Variants in SUSD4 observed in about 807,000 individuals in gnomAD.
SUSD4 encodes the protein sushi domain-containing protein 4.
Under a neutral mutation model 50.5 loss-of-function variants are expected in SUSD4, and 41 were observed. That is an observed-to-expected ratio of 0.81 (90% CI 0.63 to 1.05). SUSD4 has a LOEUF of 1.05. Among genes scored for constraint, SUSD4 ranks in the 50% least tolerant of loss-of-function variants. The probability of loss-of-function intolerance (pLI) is 0.00; values close to 1 mark genes in which losing one functional copy is unlikely to be tolerated. For missense variants in SUSD4, 580 were observed against 634.7 expected (o/e 0.91, Z 0.93); for synonymous variants, 257 against 257.3 (o/e 1.00, Z 0.01).
At chr1:223,351,726 T>G (rs1056288029) in intron 2 of SUSD4, among the ~76,000 whole-genome samples, 1 of 152,170 alleles carries the variant, frequency 6.6e-6, no homozygotes, top group Non-Finnish European at 1.5e-5. Flanking sequence ...TCCAAGTCCA[T>G]GCATCATCCT....
At chr1:223,275,655 G>T (rs1663207441) in intron 3 of SUSD4, among the ~76,000 whole-genome samples, 1 of 152,158 alleles carries the variant, frequency 6.6e-6, no homozygotes, top group Non-Finnish European at 1.5e-5. Flanking sequence ...ATTCTTTGTT[G>T]CATACAAGCA....
chr1:223,359,452 A>G (rs896400263), intron 2 of SUSD4, among the ~76,000 whole-genome samples: 1 of 152,134 alleles, frequency 6.6e-6, no homozygotes, highest in Non-Finnish European at 1.5e-5. Context: ...TCTTCTCTAG[A>G]GCCTTTCCTG....
chr1:223,235,252 G>A, intron 5 of SUSD4: 1 of 771,862 alleles, frequency 1.3e-6, no homozygotes, highest in Middle Eastern at 3.8e-4. Flanking sequence ...AGAAGGTACA[G>A]GAAGTTCCCG....
At position 223,268,533 on chromosome 1, in the gene SUSD4, A is replaced by C. The variant is rs746329826; in HGVS notation, c.504T>G (p.Asp168Glu). The C allele has an allele frequency of 6.2e-7, 1 of 1,614,000 alleles. No homozygotes were observed. Among genetic ancestry groups the C allele is most frequent in the African/African-American group, 1.3e-5 (1 of 75,052 alleles). The change falls in exon 4 of 9, where the codon GAT becomes GAG. Residue 168 changes from aspartate to glutamate, a missense_variant. Coordinates refer to ENST00000366878, the MANE Select transcript of SUSD4 (RefSeq NM_017982.4). Reference protein sequence around the residue: ...LHNMVSLCRDDGTWNNLPICQ... With the variant: ...LHNMVSLCRDEGTWNNLPICQ... ...AGATGGGCAGATTATTCCACGTTCC[A>C]TCATCGCGACATAATGAAACCATAT...
intron 3 of SUSD4, among the ~76,000 whole-genome samples, chr1:223,273,470 CTTTG>C (rs1019288828): frequency 2.8e-4 from 42 of 152,336 alleles, no homozygotes; most frequent in East Asian, 1.4e-3. Flanking sequence ...AGATGAGTGT[CTTTG>C]TTTGTCTGGG....
At chr1:223,251,773 T>C (rs1001913255) in intron 5 of SUSD4, among the ~76,000 whole-genome samples, 1 of 152,128 alleles carries the variant, frequency 6.6e-6, no homozygotes, top group Non-Finnish European at 1.5e-5. Flanking sequence ...TACCCAGTAA[T>C]GGGATGGCTG....
At position 223,231,252 on chromosome 1, in the gene SUSD4, G is replaced by C. The variant is rs1286330570; in HGVS notation, c.725-1864C>G. Among the ~76,000 whole-genome samples, 1 of 152,152 alleles carries C rather than the reference G, an allele frequency of 6.6e-6. No homozygotes were observed. The highest frequency in any genetic ancestry group is 1.5e-5 in the Non-Finnish European group (1 of 68,020). On this transcript the variant is annotated intron_variant, in intron 5 of 8. Transcript: ENST00000366878. This position sits in a 1 kb window ranked among gnomAD's most constrained non-coding sequence, Gnocchi z 4.2. ...AGGCTCCCTCTGGACAAAGCCAGTG[G>C]GGAGCCAGGTGACAAGGGGGTCTGG...
At chr1:223,302,030 G>A (rs1192675676) in intron 2 of SUSD4, among the ~76,000 whole-genome samples, 1 of 152,150 alleles carries the variant, frequency 6.6e-6, no homozygotes, top group Non-Finnish European at 1.5e-5. Context: ...TTGGAACATG[G>A]GGGTGGTTTC....
At chr1:223,349,763 C>T (rs1668253552) in intron 2 of SUSD4, among the ~76,000 whole-genome samples, 2 of 152,306 alleles carry the variant, frequency 1.3e-5, no homozygotes, top group East Asian at 1.9e-4. Flanking sequence ...TGGAAGCCTT[C>T]CCATATTTCC....
intron 3 of SUSD4, among the ~76,000 whole-genome samples, chr1:223,286,701 T>G (rs1197801916): frequency 6.6e-6 from 1 of 152,232 alleles, no homozygotes; most frequent in African/African-American, 2.4e-5. Flanking sequence ...CTCCCTTTCA[T>G]GGATGAGAAT....
At chr1:223,357,383 G>GA (rs1271670226) in intron 2 of SUSD4, among the ~76,000 whole-genome samples, 1 of 152,092 alleles carries the variant, frequency 6.6e-6, no homozygotes, top group Admixed American at 6.5e-5. Context: ...ACAATACAAA[G>GA]AAAAAAATGT....
intron 2 of SUSD4, among the ~76,000 whole-genome samples, chr1:223,362,386 C>T (rs1368849609): frequency 6.6e-6 from 1 of 152,194 alleles, no homozygotes; most frequent in East Asian, 1.9e-4. Context: ...ATCTCAGCTC[C>T]TTTTAACGTC....
chr1:223,264,302 C>A, intron 5 of SUSD4: 1 of 1,042,700 alleles, frequency 9.6e-7, no homozygotes, highest in Non-Finnish European at 1.2e-6. Context: ...TGACATGATA[C>A]AATCTGTTCC....
intron 4 of SUSD4, among the ~76,000 whole-genome samples, chr1:223,265,318 A>C (rs76072421): frequency 5.3e-5 from 8 of 152,356 alleles, no homozygotes; most frequent in African/African-American, 1.9e-4. Flanking sequence ...ATTTGGGGAC[A>C]GAAATCTGCC....
At chr1:223,236,762 T>C (rs920221582) in intron 5 of SUSD4, among the ~76,000 whole-genome samples, 2 of 152,148 alleles carry the variant, frequency 1.3e-5, no homozygotes, top group African/African-American at 2.4e-5. Context: ...TGTAGCATTA[T>C]GATAAGTCTT....
In SUSD4 at chr1:223,312,827, A is replaced by G. The variant is rs17161996; in HGVS notation, c.149-20176T>C. The stretch of plus-strand genomic sequence containing the variant: ...AGCCAGTGAGGCAGATGAGGAAAGG[A>G]AGGCTGAAGCCAGCATGTTTCCTAG... On this transcript the variant is annotated intron_variant, in intron 2 of 8. Transcript: ENST00000366878. Among the ~76,000 whole-genome samples the G allele has an allele frequency of 8.3e-3, 1,267 of 152,296 alleles. 30 individuals are homozygous for G. The East Asian group carries it at 0.098, about 12-fold the overall frequency.
At chr1:223,271,543 G>A (rs1314942326) in intron 3 of SUSD4, among the ~76,000 whole-genome samples, 1 of 152,004 alleles carries the variant, frequency 6.6e-6, no homozygotes, top group Non-Finnish European at 1.5e-5. Context: ...ATATCAACTA[G>A]GGAGTAAGAA....
chr1:223,245,336 G>A (rs1042089448), intron 5 of SUSD4, among the ~76,000 whole-genome samples: 8 of 151,552 alleles, frequency 5.3e-5, no homozygotes, highest in East Asian at 1.9e-4. Flanking sequence ...ACAGAGAGAT[G>A]AGAGGCCCTA....
At chr1:223,276,439 C>T (rs1029978923) in intron 3 of SUSD4, among the ~76,000 whole-genome samples, 1 of 152,216 alleles carries the variant, frequency 6.6e-6, no homozygotes, top group African/African-American at 2.4e-5. Context: ...TTTGCACTTA[C>T]TGGGGGCTTG....
Sources: allele counts gnomAD v4.1 joint callset (sites outside exome capture counted in the v4.1 genomes callset), GRCh38; gene constraint gnomAD v4.1.1; non-coding constraint Gnocchi (gnomAD v3.1); transcripts MANE v1.5; gene names NCBI Gene and HGNC (gene_info 2026-07-23, HGNC 2026-07-21).